Variants in SPAM1 observed in about 807,000 individuals in gnomAD.
The protein encoded by SPAM1 is hyaluronidase PH-20.
Under a neutral mutation model 29.6 loss-of-function variants are expected in SPAM1, and 22 were observed. The ratio of observed to expected loss-of-function variants is 0.74; its 90% CI spans 0.53 to 1.06. The LOEUF (loss-of-function observed/expected upper bound fraction) is 1.06, where lower values mean the gene tolerates loss of function less well. Ranked by LOEUF, SPAM1 falls within the 50% of genes least tolerant of loss-of-function variation. The pLI is 0.00. For synonymous variants in SPAM1, 194 were observed against 204.6 expected, an observed-to-expected ratio of 0.95 and a Z score of 0.44; for missense variants, 534 against 604.0, an observed-to-expected ratio of 0.88 and a Z score of 1.21.
rs192770622 is a variant in SPAM1 at position 123,958,188 on chromosome 7, C to T, written c.1045-1296C>T. On this transcript the variant is annotated intron_variant, in intron 4 of 4. Coordinates refer to ENST00000682466, the MANE Select transcript of SPAM1 (RefSeq NM_153189.3). Reference sequence around the variant, plus strand: ...AGAAATATATTCAGATGGAAGCTGCCAAGATTCCTTCACATGCCTGCATAT... The same window carrying T: ...AGAAATATATTCAGATGGAAGCTGCTAAGATTCCTTCACATGCCTGCATAT... Among the ~76,000 whole-genome samples, 21 of 152,126 alleles carry T rather than the reference C, an allele frequency of 1.4e-4. 1 individual carries two copies. The East Asian group carries it at 4.1e-3, about 30-fold the overall frequency.
intron 1 of SPAM1, among the ~76,000 whole-genome samples, chr7:123,943,448 C>T (rs1347373330): frequency 2.6e-5 from 4 of 152,216 alleles, no homozygotes; most frequent in South Asian, 2.1e-4. Flanking sequence ...ACAACAATTT[C>T]ACATAATAAT....
chr7:123,951,639 T>C (rs1229356353), intron 2 of SPAM1, among the ~76,000 whole-genome samples: 1 of 152,164 alleles, frequency 6.6e-6, no homozygotes, highest in African/African-American at 2.4e-5. Flanking sequence ...CTTTCTTTCT[T>C]GAGACAGAGT....
chr7:123,943,169 G>A (rs936940073), intron 1 of SPAM1, among the ~76,000 whole-genome samples: 1 of 151,990 alleles, frequency 6.6e-6, no homozygotes, highest in Non-Finnish European at 1.5e-5. Context: ...TCTTCCATGC[G>A]GTTTAGTCTA....
chr7:123,955,373 TG>T (rs1792226623), intron 4 of SPAM1, among the ~76,000 whole-genome samples: 1 of 152,142 alleles, frequency 6.6e-6, no homozygotes, highest in East Asian at 1.9e-4. Flanking sequence ...TTTTATGGCA[TG>T]GTGTTTTGTG....
intron 1 of SPAM1, among the ~76,000 whole-genome samples, chr7:123,928,221 C>G (rs1457081341): frequency 6.6e-6 from 1 of 151,994 alleles, no homozygotes; most frequent in Non-Finnish European, 1.5e-5. Context: ...ATTACTTTTC[C>G]AGGTAACGCC....
chr7:123,944,681 A>G (rs1808519703), intron 1 of SPAM1, among the ~76,000 whole-genome samples: 2 of 152,272 alleles, frequency 1.3e-5, no homozygotes, highest in Middle Eastern at 3.4e-3. Flanking sequence ...GGAAGAAAAC[A>G]TTTCCTTTAG....
intron 6 of SPAM1, among the ~76,000 whole-genome samples, chr7:123,970,489 CTAATGCTTGT>C (rs904283950): frequency 4.6e-5 from 7 of 151,886 alleles, no homozygotes; most frequent in Admixed American, 1.3e-4. Flanking sequence ...GGTGCAGTGG[CTAATGCTTGT>C]TATCCCAGAG....
intron 1 of SPAM1, among the ~76,000 whole-genome samples, chr7:123,944,520 A>G (rs1808515964): frequency 6.6e-6 from 1 of 152,200 alleles, no homozygotes; most frequent in Non-Finnish European, 1.5e-5. Flanking sequence ...AAGGCAAAAG[A>G]AAAGAACTTC....
chr7:123,968,829 A>G (rs934058506), intron 5 of SPAM1, among the ~76,000 whole-genome samples: 2 of 152,034 alleles, frequency 1.3e-5, no homozygotes, highest in Non-Finnish European at 2.9e-5. Context: ...GTGAGAATGA[A>G]ATGAATTCAT....
intron 1 of SPAM1, among the ~76,000 whole-genome samples, chr7:123,941,826 G>T (rs1238446956): frequency 1.3e-5 from 2 of 152,030 alleles, no homozygotes; most frequent in African/African-American, 2.4e-5. Flanking sequence ...GAAGAAAATG[G>T]GTCCCTGGTG....
At chr7:123,952,895 A>G (rs938836662) in intron 2 of SPAM1, among the ~76,000 whole-genome samples, 2 of 27,134 alleles carry the variant, frequency 7.4e-5, no homozygotes, top group African/African-American at 4.0e-4. Flanking sequence ...TCCCCTTTGA[A>G]AAAAAAAAAA....
rs145570452 is a variant in SPAM1, at chr7:123,952,611, A to G, written c.-206-754A>G. On this transcript the variant is annotated intron_variant, in intron 2 of 4. Transcript: ENST00000682466. ...TGCTACAACACTTCACTTTGTCACA[A>G]TCAGAATCACAACACAATCTTACTT... 3.9e-5 allele frequency among the ~76,000 whole-genome samples: 6 copies of G among 152,234 alleles called. No homozygotes were observed. In the East Asian group the frequency reaches 9.7e-4, roughly 25 times the overall value.
rs1792164658 is a variant in SPAM1, at chr7:123,953,534, G to A, written c.-37G>A. 7.2e-7 allele frequency: 1 copy of A among 1,382,710 alleles called. No homozygotes were observed. Among genetic ancestry groups the A allele is most frequent in the African/African-American group, 1.4e-5 (1 of 69,186 alleles). The allele number at this position is 1,382,710 out of a possible 1,614,324, so 85.7% of individuals were successfully genotyped here. On this transcript the variant is annotated 5_prime_UTR_variant, in exon 3 of 5. Coordinates refer to ENST00000682466, the MANE Select transcript of SPAM1 (RefSeq NM_153189.3). ...ATATTGGGTAAACCAAAGTGTGTAG[G>A]AAGAAATAAATGTTTTCATAGTCAT...
rs532636427 is a variant in SPAM1 at position 123,954,406 on chromosome 7, G to A, written c.836G>A (p.Arg279His). 5.6e-6 allele frequency: 9 copies of A among 1,613,212 alleles called. No individual in the cohort carries two copies. Among genetic ancestry groups the A allele is most frequent in the Non-Finnish European group, 5.9e-6 (7 of 1,179,580 alleles). ...QSPVAATLYVRNRVREAIRVS... is the reference protein window; with the variant it reads ...QSPVAATLYVHNRVREAIRVS... Reference sequence around the variant, plus strand: ...CCTGTAGCTGCTACACTCTATGTGCGCAATCGAGTTCGGGAAGCCATCAGA... The same window carrying A: ...CCTGTAGCTGCTACACTCTATGTGCACAATCGAGTTCGGGAAGCCATCAGA... The change falls in exon 3 of 5, where the codon CGC becomes CAC. Residue 279 changes from arginine to histidine, a missense_variant. Arg to His is a conservative substitution (Grantham distance 29). Coordinates refer to ENST00000682466, the MANE Select transcript of SPAM1 (RefSeq NM_153189.3).
chr7:123,963,469 G>T (rs1247942820), downstream of SPAM1, among the ~76,000 whole-genome samples: 2 of 151,868 alleles, frequency 1.3e-5, no homozygotes, highest in East Asian at 3.9e-4. Context: ...AGTGTGAAAA[G>T]AGGAACCAAA....
chr7:123,957,135 T>C (rs550128315), intron 4 of SPAM1, among the ~76,000 whole-genome samples: 7 of 152,116 alleles, frequency 4.6e-5, no homozygotes, highest in Admixed American at 3.3e-4. Context: ...ATTGACAAAG[T>C]CTATGTACTC....
At chr7:123,950,819 G>A (rs1808736609) in intron 2 of SPAM1, among the ~76,000 whole-genome samples, 1 of 152,054 alleles carries the variant, frequency 6.6e-6, no homozygotes, top group Non-Finnish European at 1.5e-5. Flanking sequence ...TCTATTTTTA[G>A]TCCTTTGGGA....
rs1021238904 is a variant in SPAM1, at chr7:123,970,090, G to C, written c.1486-108G>C. 5 of 1,126,870 alleles carry C rather than the reference G, an allele frequency of 4.4e-6. No individual in the cohort carries two copies. The Admixed American group carries it at 9.9e-5, about 22-fold the overall frequency. The allele number at this position is 1,126,870 out of a possible 1,614,324, so 69.8% of individuals were successfully genotyped here. On this transcript the variant is annotated intron_variant, in intron 5 of 6. Coordinates refer to the SPAM1 transcript ENST00000340011. Reference sequence around the variant, plus strand: ...CACTTTCTTTACATGGAGTCTCCTGGTATTTATTCTGTATATCTCCATTAG... The same window carrying C: ...CACTTTCTTTACATGGAGTCTCCTGCTATTTATTCTGTATATCTCCATTAG...
At chr7:123,967,107 A>G (rs1792434964) in intron 5 of SPAM1, among the ~76,000 whole-genome samples, 2 of 151,932 alleles carry the variant, frequency 1.3e-5, no homozygotes, top group African/African-American at 4.8e-5. Flanking sequence ...CTCGTTTATA[A>G]CATACAATAA....
Sources: allele counts gnomAD v4.1 joint callset (sites outside exome capture counted in the v4.1 genomes callset), GRCh38; gene constraint gnomAD v4.1.1; transcripts MANE v1.5; gene names NCBI Gene and HGNC (gene_info 2026-07-23, HGNC 2026-07-21).